FUT8: variants seen among roughly 807,000 people sequenced by gnomAD.
FUT8 encodes fucosyltransferase 8.
A neutral mutation model predicts 71.3 loss-of-function variants in FUT8; 29 were observed. The observed-to-expected ratio is 0.41, with a 90% CI of 0.30 to 0.55. The LOEUF (loss-of-function observed/expected upper bound fraction) is 0.55, where lower values mean the gene tolerates loss of function less well. Ranked by LOEUF, FUT8 falls within the 20% of genes least tolerant of loss-of-function variation. FUT8 has a pLI of 0.34. For synonymous variants in FUT8, 254 were observed against 239.3 expected (o/e 1.06, Z -0.57); for missense variants, 544 against 702.1 (o/e 0.77, Z 2.55).
intron 2 of FUT8, among the ~76,000 whole-genome samples, chr14:65,532,763 C>T (rs1884042304): frequency 1.3e-5 from 2 of 152,038 alleles, no homozygotes; most frequent in East Asian, 1.9e-4. Flanking sequence ...CAGGCTTTTT[C>T]ATAGTTTTGG....
At chr14:65,679,043 A>G (rs1892904955) in intron 7 of FUT8, among the ~76,000 whole-genome samples, 1 of 152,236 alleles carries the variant, frequency 6.6e-6, no homozygotes, top group Non-Finnish European at 1.5e-5. Flanking sequence ...CTAGGAATGA[A>G]CTGGAACATT....
intron 9 of FUT8, among the ~76,000 whole-genome samples, chr14:65,731,841 G>A (rs1309243264): frequency 2.6e-5 from 4 of 152,082 alleles, no homozygotes; most frequent in African/African-American, 9.7e-5. Context: ...TTTTAGTTAG[G>A]AAGGCCATTA....
intron 1 of FUT8, among the ~76,000 whole-genome samples, chr14:65,424,293 G>A (rs1036904392): frequency 6.6e-6 from 1 of 152,200 alleles, no homozygotes; most frequent in East Asian, 1.9e-4. Context: ...ATAGTACAGG[G>A]TGTAGTACAG....
intron 1 of FUT8, among the ~76,000 whole-genome samples, chr14:65,417,608 C>A (rs954104867): frequency 1.3e-5 from 2 of 152,104 alleles, no homozygotes; most frequent in Non-Finnish European, 2.9e-5. Context: ...AATTTTCTTA[C>A]CCATCTACTT....
intron 1 of FUT8, among the ~76,000 whole-genome samples, chr14:65,439,981 T>TAA (rs1412560001): frequency 1.4e-5 from 2 of 138,288 alleles, no homozygotes; most frequent in Non-Finnish European, 3.1e-5. Flanking sequence ...TATATATATA[T>TAA]ATATATATAT....
chr14:65,681,921 A>G (rs1893058226), intron 7 of FUT8, among the ~76,000 whole-genome samples: 1 of 152,214 alleles, frequency 6.6e-6, no homozygotes, highest in Admixed American at 6.5e-5. Context: ...TATTGTGCTC[A>G]GGGATCAGCA....
At chr14:65,668,314 A>G (rs1444531801) in intron 6 of FUT8, among the ~76,000 whole-genome samples, 1 of 152,198 alleles carries the variant, frequency 6.6e-6, no homozygotes, top group East Asian at 1.9e-4. Flanking sequence ...TTTGCAAGCT[A>G]TGAAAGGTCT....
chr14:65,592,775 C>T (rs904837562), intron 3 of FUT8, among the ~76,000 whole-genome samples: 1 of 152,128 alleles, frequency 6.6e-6, no homozygotes, highest in Admixed American at 6.6e-5. Flanking sequence ...AATGTGTTGT[C>T]AGCATTGGGA....
At chr14:65,457,740 A>G (rs1442884267) in intron 2 of FUT8, among the ~76,000 whole-genome samples, 1 of 152,212 alleles carries the variant, frequency 6.6e-6, no homozygotes, top group African/African-American at 2.4e-5. Context: ...GTTTCACAAT[A>G]CAGTGCCTGA....
chr14:65,383,220 T>TAC, the FUT8 span, among the ~76,000 whole-genome samples: 1 of 151,790 alleles, frequency 6.6e-6, no homozygotes, highest in Non-Finnish European at 1.5e-5. Context: ...GTTCTGTTGA[T>TAC]ACGTACTCAA....
chr14:65,707,764 A>G (rs1423613659), intron 7 of FUT8, among the ~76,000 whole-genome samples: 1 of 152,156 alleles, frequency 6.6e-6, no homozygotes, highest in African/African-American at 2.4e-5. Context: ...ACCTTTGTCA[A>G]AACTCAATTG....
chr14:65,585,171 A>G (rs919862282), intron 3 of FUT8, among the ~76,000 whole-genome samples: 1 of 151,900 alleles, frequency 6.6e-6, no homozygotes, highest in Non-Finnish European at 1.5e-5. Flanking sequence ...TGATTTCTAT[A>G]TTATTTATTT....
At chr14:65,521,928 G>T (rs1594731650) in intron 2 of FUT8, among the ~76,000 whole-genome samples, 1 of 151,284 alleles carries the variant, frequency 6.6e-6, no homozygotes. Context: ...GGTCTTTAGA[G>T]ATCATTTAGA....
chr14:65,681,781 T>C (rs535932110), intron 7 of FUT8, among the ~76,000 whole-genome samples: 1 of 152,310 alleles, frequency 6.6e-6, no homozygotes, highest in South Asian at 2.1e-4. Context: ...GCTAAGAACA[T>C]CACATATAAT....
At chr14:65,593,798 A>G (rs528485123) in intron 3 of FUT8, among the ~76,000 whole-genome samples, 1 of 151,940 alleles carries the variant, frequency 6.6e-6, no homozygotes, top group Non-Finnish European at 1.5e-5. Flanking sequence ...CTGGTCTTGA[A>G]CTCCCAACCT....
intron 6 of FUT8, among the ~76,000 whole-genome samples, chr14:65,657,997 T>G (rs1891770721): frequency 6.6e-6 from 1 of 152,026 alleles, no homozygotes; most frequent in Non-Finnish European, 1.5e-5. Flanking sequence ...AACTTTTTAC[T>G]TACCAGCAAC....
chr14:65,387,156 T>A, the FUT8 span, among the ~76,000 whole-genome samples: 1 of 152,160 alleles, frequency 6.6e-6, no homozygotes, highest in African/African-American at 2.4e-5. Context: ...ATTTTTGAGT[T>A]AAATATTTAA....
intron 2 of FUT8, among the ~76,000 whole-genome samples, chr14:65,528,312 A>G (rs185345942): frequency 1.4e-3 from 215 of 152,328 alleles, no homozygotes; most frequent in African/African-American, 5.0e-3. Flanking sequence ...TGTGCTAGCA[A>G]TGAGCAAGGC....
intron 7 of FUT8, among the ~76,000 whole-genome samples, chr14:65,692,712 G>A (rs1307531075): frequency 1.3e-5 from 2 of 149,520 alleles, no homozygotes; most frequent in African/African-American, 2.5e-5. Flanking sequence ...TTCTCAGACG[G>A]GGCGGCTGCC....
Sources: gnomAD v4.1 joint callset for allele counts (sites outside exome capture counted in the v4.1 genomes callset) on GRCh38, gnomAD v4.1.1 for gene constraint, MANE v1.5 for transcripts, NCBI Gene and HGNC (gene_info 2026-07-23, HGNC 2026-07-21) for gene names.